SPOCK1: variants seen among roughly 807,000 people sequenced by gnomAD.
SPOCK1 encodes testican-1.
A neutral mutation model predicts 55.3 loss-of-function variants in SPOCK1; 23 were observed. The ratio of observed to expected loss-of-function variants is 0.42; its 90% CI spans 0.30 to 0.59. SPOCK1 has a LOEUF of 0.59. Among genes scored for constraint, SPOCK1 ranks in the 20% least tolerant of loss-of-function variants. The pLI is 0.22. For synonymous variants in SPOCK1, 226 were observed against 221.0 expected (o/e 1.02, Z -0.20); for missense variants, 499 against 552.5 (o/e 0.90, Z 0.97).
intron 2 of SPOCK1, among the ~76,000 whole-genome samples, chr5:137,302,211 G>A (rs1297497782): frequency 6.6e-6 from 1 of 152,098 alleles, no homozygotes; most frequent in Non-Finnish European, 1.5e-5. Flanking sequence ...TAAATTGTAG[G>A]AGAACATGCA....
intron 6 of SPOCK1, among the ~76,000 whole-genome samples, chr5:137,058,726 C>T (rs1040251616): frequency 3.3e-5 from 5 of 152,130 alleles, no homozygotes; most frequent in African/African-American, 4.8e-5. Flanking sequence ...GAGAAGGTGA[C>T]ATTTGTGCAA....
At chr5:137,274,561 T>C (rs1169648646) in intron 2 of SPOCK1, among the ~76,000 whole-genome samples, 3 of 152,218 alleles carry the variant, frequency 2.0e-5, no homozygotes, top group Non-Finnish European at 4.4e-5. Flanking sequence ...CACAATTTCA[T>C]GTCCATTTCC....
intron 2 of SPOCK1, among the ~76,000 whole-genome samples, chr5:137,346,391 T>G (rs2127158633): frequency 6.6e-6 from 1 of 152,246 alleles, no homozygotes; most frequent in Admixed American, 6.5e-5. Context: ...TTTATTTGAC[T>G]CAACTCTGCA....
At chr5:137,015,285 CAA>C (rs11440015) in intron 6 of SPOCK1, among the ~76,000 whole-genome samples, 2 of 139,382 alleles carry the variant, frequency 1.4e-5, no homozygotes, top group Non-Finnish European at 1.6e-5. Context: ...ACTAAAAATA[CAA>C]AAAAAAAAAA....
intron 3 of SPOCK1, among the ~76,000 whole-genome samples, chr5:137,210,611 G>A (rs531357522): frequency 6.6e-6 from 1 of 152,250 alleles, no homozygotes; most frequent in South Asian, 2.1e-4. Context: ...TCTGGGACTA[G>A]GGGGCATCTG....
intron 2 of SPOCK1, among the ~76,000 whole-genome samples, chr5:137,380,235 A>G (rs569995312): frequency 9.8e-5 from 15 of 152,372 alleles, no homozygotes; most frequent in African/African-American, 3.1e-4. Flanking sequence ...GTGATGTGAC[A>G]GGTTAGACAA....
intron 6 of SPOCK1, among the ~76,000 whole-genome samples, chr5:137,030,697 T>C (rs1353498806): frequency 6.6e-6 from 1 of 152,206 alleles, no homozygotes; most frequent in African/African-American, 2.4e-5. Context: ...CATGGATGGA[T>C]TAAAACACCT....
At chr5:137,176,098 AC>A (rs1301680012) in intron 3 of SPOCK1, among the ~76,000 whole-genome samples, 3 of 152,176 alleles carry the variant, frequency 2.0e-5, no homozygotes, top group African/African-American at 7.2e-5. Context: ...CTTCCTAATG[AC>A]TGAATTAATC....
intron 3 of SPOCK1, among the ~76,000 whole-genome samples, chr5:137,256,137 G>A (rs1183509249): frequency 1.3e-5 from 2 of 152,142 alleles, no homozygotes; most frequent in South Asian, 2.1e-4. Flanking sequence ...AAATCCTGGT[G>A]GCACCATATT....
At chr5:137,286,040 C>G (rs17171297) in intron 2 of SPOCK1, among the ~76,000 whole-genome samples, 21,413 of 152,188 alleles carry the variant, frequency 0.14, 1,709 homozygotes, top group Admixed American at 0.2. Context: ...GTTTGTCCAT[C>G]CTGCTCTAAA....
At position 137,259,397 on chromosome 5, in the gene SPOCK1, C is replaced by T. The variant is rs537723885; in HGVS notation, c.232+7613G>A. On this transcript the variant is annotated intron_variant, in intron 3 of 10. Coordinates refer to ENST00000394945, the MANE Select transcript of SPOCK1 (RefSeq NM_004598.4). ...AGCAAACTAACACAAGAACAGAAAACCAAACACTGCATGTTCTCACTCATA... is the reference window on the plus strand; with the variant it reads ...AGCAAACTAACACAAGAACAGAAAATCAAACACTGCATGTTCTCACTCATA... 8.5e-5 allele frequency among the ~76,000 whole-genome samples: 13 copies of T among 152,174 alleles called. No homozygotes were observed. In the East Asian group the frequency reaches 2.3e-3, roughly 27 times the overall value.
intron 3 of SPOCK1, among the ~76,000 whole-genome samples, chr5:137,236,023 C>T (rs764535340): frequency 1.1e-4 from 16 of 152,244 alleles, no homozygotes; most frequent in Admixed American, 2.0e-4. Context: ...GATCTGACTG[C>T]GTCCCTCCCA....
intron 2 of SPOCK1, among the ~76,000 whole-genome samples, chr5:137,380,054 T>C (rs916132216): frequency 6.6e-6 from 1 of 152,122 alleles, no homozygotes; most frequent in African/African-American, 2.4e-5. Flanking sequence ...AAGATATTCA[T>C]ACAGCAACTC....
chr5:137,386,015 T>C (rs114269420), intron 2 of SPOCK1, among the ~76,000 whole-genome samples: 1,564 of 152,328 alleles, frequency 0.01, 18 homozygotes, highest in African/African-American at 0.036. Flanking sequence ...TGGTGGCTAA[T>C]AAGCAATTAC....
chr5:137,339,248 T>G (rs1750359860), intron 2 of SPOCK1, among the ~76,000 whole-genome samples: 1 of 152,242 alleles, frequency 6.6e-6, no homozygotes, highest in Non-Finnish European at 1.5e-5. Context: ...GCTTTGTGAC[T>G]CTACCCCAGT....
chr5:137,160,168 T>C (rs1439008156), intron 3 of SPOCK1, among the ~76,000 whole-genome samples: 1 of 151,518 alleles, frequency 6.6e-6, no homozygotes. Flanking sequence ...TGCCTTTGTG[T>C]CCTCATAGCT....
intron 2 of SPOCK1, among the ~76,000 whole-genome samples, chr5:137,435,185 T>C (rs1752833800): frequency 6.6e-6 from 1 of 152,232 alleles, no homozygotes; most frequent in African/African-American, 2.4e-5. Flanking sequence ...TATAGCTTGT[T>C]CCCAATTTTT....
At chr5:137,216,635 A>G (rs1310126043) in intron 3 of SPOCK1, among the ~76,000 whole-genome samples, 1 of 152,144 alleles carries the variant, frequency 6.6e-6, no homozygotes, top group Non-Finnish European at 1.5e-5. Context: ...CACTCAAACC[A>G]GGGAGGCAGA....
At chr5:137,012,872 G>C (rs1014477597) in intron 6 of SPOCK1, among the ~76,000 whole-genome samples, 1 of 152,200 alleles carries the variant, frequency 6.6e-6, no homozygotes, top group Non-Finnish European at 1.5e-5. Context: ...GGGTTAAGTT[G>C]TGGTTCACAA....
Sources: allele counts gnomAD v4.1 joint callset (sites outside exome capture counted in the v4.1 genomes callset), GRCh38; gene constraint gnomAD v4.1.1; transcripts MANE v1.5; gene names NCBI Gene and HGNC (gene_info 2026-07-23, HGNC 2026-07-21).